APPBP2: variants seen among roughly 807,000 people sequenced by gnomAD.
The protein encoded by APPBP2 is amyloid protein-binding protein 2.
Under a neutral mutation model 76.0 loss-of-function variants are expected in APPBP2, and 15 were observed. That is an observed-to-expected ratio of 0.20 (90% CI 0.13 to 0.30). The LOEUF is 0.30. Among genes scored for constraint, APPBP2 ranks in the 10% least tolerant of loss-of-function variants. The pLI is 1.00. For missense variants in APPBP2, 401 were observed against 687.2 expected (o/e 0.58, Z 4.66); for synonymous variants, 222 against 242.2 (o/e 0.92, Z 0.77).
At position 60,460,683 on chromosome 17, in the gene APPBP2, A is replaced by G. The variant is rs113018894; in HGVS notation, c.1041T>C (p.Ser347=). The G allele has an allele frequency of 6.2e-7, 1 of 1,612,376 alleles. No homozygotes were observed. Among genetic ancestry groups the G allele is most frequent in the East Asian group, 2.2e-5 (1 of 44,846 alleles). The change falls in exon 9 of 13, where the codon TCT becomes TCC. Residue 347 remains serine (S), a synonymous_variant. Coordinates refer to ENST00000083182, the MANE Select transcript of APPBP2 (RefSeq NM_006380.5). The stretch of plus-strand genomic sequence containing the variant: ...CTTACAGTGCATTGTCAAATTTCCC[A>G]GAGCTATACTGGTGGACATAAGAAG... ...AYSSYVHQYS[S]GKFDNALFHA... is the part of the protein sequence containing the mutation.
At position 60,509,428 on chromosome 17, in the gene APPBP2, G is replaced by A. The variant is rs563891781; in HGVS notation, c.139-8941C>T. Among the ~76,000 whole-genome samples the A allele has an allele frequency of 3.9e-5, 6 of 152,014 alleles. No homozygotes were observed. In the South Asian group the frequency reaches 6.2e-4, roughly 16 times the overall value. ...ACAACTGAAAATTTGAACAGTGACT[G>A]TACATTTAAGAACATTAAGGAATTA... On this transcript the variant is annotated intron_variant, in intron 1 of 12. Transcript: ENST00000083182.
intron 2 of APPBP2, among the ~76,000 whole-genome samples, chr17:60,498,017 GTAT>G (rs1255949128): frequency 2.6e-5 from 4 of 151,830 alleles, no homozygotes; most frequent in Non-Finnish European, 5.9e-5. Flanking sequence ...GGGCATGCCT[GTAT>G]TCCCAGCTAC....
intron 1 of APPBP2, among the ~76,000 whole-genome samples, chr17:60,500,823 T>C (rs768188223): frequency 2.0e-5 from 3 of 152,068 alleles, no homozygotes; most frequent in Non-Finnish European, 4.4e-5. Context: ...TGTAAAATTA[T>C]CAAAATAATA....
intron 9 of APPBP2, chr17:60,460,372 A>C: frequency 5.6e-6 from 1 of 177,406 alleles, no homozygotes; most frequent in Non-Finnish European, 1.2e-5. Context: ...CTAGTTTTAA[A>C]AATTTTTTGA....
chr17:60,465,268 T>C (rs1482737838), intron 5 of APPBP2: 2 of 152,342 alleles, frequency 1.3e-5, no homozygotes, highest in South Asian at 2.1e-4. Flanking sequence ...AGAACAGCCA[T>C]AGCCATCTGA....
intron 3 of APPBP2, among the ~76,000 whole-genome samples, chr17:60,480,828 G>A (rs1363427536): frequency 6.6e-6 from 1 of 152,118 alleles, no homozygotes; most frequent in Non-Finnish European, 1.5e-5. Context: ...CGAATAGGAG[G>A]CACTGGAGAA....
intron 4 of APPBP2, chr17:60,468,375 G>T (rs2090526969): frequency 1.3e-5 from 2 of 152,112 alleles, no homozygotes; most frequent in Admixed American, 6.5e-5. Context: ...CCAAATGGTT[G>T]AAAGAGAAAA....
Position 60,450,266 on chromosome 17 carries a change from G to A in APPBP2, c.1504+1614C>T, listed in dbSNP as rs138115536. 2.4e-3 allele frequency among the ~76,000 whole-genome samples: 366 copies of A among 151,592 alleles called. 9 individuals carry two copies. The East Asian group carries it at 0.06, about 25-fold the overall frequency. On this transcript the variant is annotated intron_variant, in intron 12 of 12. Coordinates refer to ENST00000083182, the MANE Select transcript of APPBP2 (RefSeq NM_006380.5). ...ATCCTGGCCAACATGCTGAAACACC[G>A]TCTCTACTAAAAATACAAAAAATTA...
chr17:60,453,264 A>G (rs892484550), intron 11 of APPBP2, among the ~76,000 whole-genome samples: 7 of 127,904 alleles, frequency 5.5e-5, no homozygotes, highest in Middle Eastern at 4.6e-3. Context: ...GCTCACTACA[A>G]TCTCCATCTC....
chr17:60,495,025 T>C (rs964222755), intron 2 of APPBP2, among the ~76,000 whole-genome samples: 18 of 149,848 alleles, frequency 1.2e-4, no homozygotes, highest in Non-Finnish European at 2.2e-4. Context: ...CACTCTGTTA[T>C]CCAGGCTGGA....
chr17:60,450,127 C>T (rs1022785069), intron 12 of APPBP2, among the ~76,000 whole-genome samples: 1 of 151,588 alleles, frequency 6.6e-6, no homozygotes, highest in African/African-American at 2.4e-5. Flanking sequence ...ACAAAAAGTG[C>T]TATTCACAAA....
chr17:60,500,378 A>AT, intron 2 of APPBP2, 21 bp downstream of exon 2: 1 of 1,518,262 alleles, frequency 6.6e-7, no homozygotes, highest in Non-Finnish European at 9.0e-7. Flanking sequence ...ATATTTTACA[A>AT]TTTTTTAAAA....
intron 1 of APPBP2, among the ~76,000 whole-genome samples, chr17:60,514,832 C>T (rs2090949942): frequency 6.6e-6 from 1 of 152,124 alleles, no homozygotes; most frequent in South Asian, 2.1e-4. Flanking sequence ...GAGGCAGGGT[C>T]TCACTCTGTC....
chr17:60,478,903 CTG>C (rs1177737932), intron 4 of APPBP2, among the ~76,000 whole-genome samples: 1 of 150,392 alleles, frequency 6.6e-6, no homozygotes, highest in African/African-American at 2.5e-5. Flanking sequence ...GAGCGAGACT[CTG>C]TTTCAAAATA....
intron 4 of APPBP2, among the ~76,000 whole-genome samples, chr17:60,471,867 T>C (rs2090555163): frequency 6.6e-6 from 1 of 152,218 alleles, no homozygotes; most frequent in Non-Finnish European, 1.5e-5. Flanking sequence ...GGCTCATGCC[T>C]GTAATCCTAG....
intron 1 of APPBP2, among the ~76,000 whole-genome samples, chr17:60,503,926 T>A (rs930003499): frequency 1.3e-5 from 2 of 152,182 alleles, no homozygotes; most frequent in African/African-American, 2.4e-5. Flanking sequence ...TCCATGTTCT[T>A]AACAACTTAC....
chr17:60,505,680 T>G (rs1025749760), intron 1 of APPBP2, among the ~76,000 whole-genome samples: 3 of 125,550 alleles, frequency 2.4e-5, no homozygotes, highest in East Asian at 2.1e-4. Flanking sequence ...CCTGCGGTTT[T>G]TTTTTTTTTT....
At position 60,526,134 on chromosome 17, in the gene APPBP2, TG is replaced by T; in HGVS notation, c.-204del. On this transcript the variant is annotated 5_prime_UTR_variant, in exon 1 of 13. Transcript: ENST00000083182. ...AGCGGACGCAGGCCCGAGTAAAAAG[TG>T]GGACAGAAAACAGCGGCCAGCCAGG... The T allele has an allele frequency of 1.7e-6, 1 of 580,286 alleles. No homozygotes were observed. The highest frequency in any genetic ancestry group is 3.1e-6 in the Non-Finnish European group (1 of 326,492). 35.9% of individuals were successfully genotyped at this position (580,286 alleles called of 1,614,324 possible). A position where few individuals can be genotyped will look rare whatever the true frequency, so the allele number is the denominator to read the frequency against.
In APPBP2 at chr17:60,473,064, G is replaced by A. The variant is rs536675861; in HGVS notation, c.503+6084C>T. On this transcript the variant is annotated intron_variant, in intron 4 of 12. Transcript: ENST00000083182. Reference sequence around the variant, plus strand: ...CTTGGTAACTGCCATCTTTAGGTAGGAGAATTGAGCCCATTTACATGTATT... The same window carrying A: ...CTTGGTAACTGCCATCTTTAGGTAGAAGAATTGAGCCCATTTACATGTATT... Among the ~76,000 whole-genome samples, 127 of 152,154 alleles carry A rather than the reference G, an allele frequency of 8.3e-4. 2 individuals carry two copies. In the South Asian group the frequency reaches 0.026, roughly 31 times the overall value.
Sources: gnomAD v4.1 joint callset for allele counts (sites outside exome capture counted in the v4.1 genomes callset) on GRCh38, gnomAD v4.1.1 for gene constraint, MANE v1.5 for transcripts, NCBI Gene and HGNC (gene_info 2026-07-23, HGNC 2026-07-21) for gene names.